Variants in MTPN observed in about 807,000 individuals in gnomAD.
MTPN encodes the protein myotrophin, also known as granule cell differentiation protein.
Under a neutral mutation model 13.5 loss-of-function variants are expected in MTPN, and 2 were observed. The ratio of observed to expected loss-of-function variants is 0.15; its 90% CI spans 0.06 to 0.47. The LOEUF is 0.47. MTPN is among the 20% of genes least tolerant of loss of function. MTPN has a pLI of 0.97. For synonymous variants in MTPN, 46 were observed against 51.7 expected, an observed-to-expected ratio of 0.89 and a Z score of 0.48; for missense variants, 79 against 137.9, an observed-to-expected ratio of 0.57 and a Z score of 2.14.
intron 1 of MTPN, among the ~76,000 whole-genome samples, chr7:135,963,060 C>T (rs573800171): frequency 2.6e-5 from 4 of 152,150 alleles, no homozygotes; most frequent in Admixed American, 2.0e-4. Flanking sequence ...CTTTGTACCA[C>T]AGCATGTAAA....
At chr7:135,975,199 T>C (rs1286343197) in intron 1 of MTPN, among the ~76,000 whole-genome samples, 1 of 152,222 alleles carries the variant, frequency 6.6e-6, no homozygotes, top group Non-Finnish European at 1.5e-5. Flanking sequence ...AATTAATCCA[T>C]CTTTATTGGC....
At chr7:135,939,779 A>G (rs1799180973) in intron 3 of MTPN, among the ~76,000 whole-genome samples, 1 of 152,136 alleles carries the variant, frequency 6.6e-6, no homozygotes, top group African/African-American at 2.4e-5. Context: ...ATTAACAGGT[A>G]TGTCTTCCCC....
At chr7:135,960,563 T>C (rs1378737191) in intron 1 of MTPN, 1 of 151,644 alleles carries the variant, frequency 6.6e-6, no homozygotes, top group Non-Finnish European at 1.5e-5. Flanking sequence ...AATATGGAGG[T>C]AGGGTATAAA....
chr7:135,962,094 G>A (rs1045110937), intron 1 of MTPN, among the ~76,000 whole-genome samples: 2 of 151,924 alleles, frequency 1.3e-5, no homozygotes, highest in Admixed American at 6.6e-5. Context: ...TATGGAAATT[G>A]TACGTTACTA....
intron 1 of MTPN, among the ~76,000 whole-genome samples, chr7:135,957,525 T>G (rs139154267): frequency 6.6e-5 from 10 of 152,198 alleles, no homozygotes; most frequent in Middle Eastern, 3.4e-3. Context: ...AAAGTGACAG[T>G]GCATGACCAG....
At chr7:135,936,989 C>T (rs562450530) in intron 3 of MTPN, among the ~76,000 whole-genome samples, 6 of 152,174 alleles carry the variant, frequency 3.9e-5, no homozygotes, top group Admixed American at 3.9e-4. Context: ...AAATAATTTA[C>T]AATCTAGCTG....
chr7:135,938,124 T>A (rs1799145925), intron 3 of MTPN, among the ~76,000 whole-genome samples: 1 of 152,188 alleles, frequency 6.6e-6, no homozygotes, highest in Non-Finnish European at 1.5e-5. Flanking sequence ...CTTTTTAATT[T>A]ATATTATTTG....
At position 135,929,865 on chromosome 7, in the gene MTPN, C is replaced by A; in HGVS notation, c.*61G>T. 6.7e-7 allele frequency: 1 copy of A among 1,485,984 alleles called. No individual in the cohort carries two copies. The highest frequency in any genetic ancestry group is 9.4e-7 in the Non-Finnish European group (1 of 1,063,376). 92.0% of individuals were successfully genotyped at this position (1,485,984 alleles called of 1,614,324 possible). On this transcript the variant is annotated 3_prime_UTR_variant, in exon 4 of 4. Transcript: ENST00000393085. The stretch of plus-strand genomic sequence containing the variant: ...TGGCAGATAGAGAGTGACAGACAGA[C>A]AGGCAGCAGTGTGAGGCCACAGGAG...
intron 3 of MTPN, among the ~76,000 whole-genome samples, chr7:135,930,768 T>C (rs1799007881): frequency 6.6e-6 from 1 of 152,190 alleles, no homozygotes; most frequent in Admixed American, 6.5e-5. Flanking sequence ...CCTAGGTGCA[T>C]GGTAGGTTAA....
At position 135,927,233 on chromosome 7, in the gene MTPN, A is replaced by G. The variant is rs766708102; in HGVS notation, c.*2693T>C. On this transcript the variant is annotated 3_prime_UTR_variant, in exon 4 of 4. Transcript: ENST00000393085. ...GCCTACTTGTTTGCAGCTTCCACAC[A>G]CTGCACCTACCTACTACCTCTCTTC... The G allele has an allele frequency of 1.1e-5, 16 of 1,416,666 alleles. No individual in the cohort carries two copies. The highest frequency in any genetic ancestry group is 7.5e-5 in the South Asian group (5 of 66,316). The allele number at this position is 1,416,666 out of a possible 1,614,324, so 87.8% of individuals were successfully genotyped here.
At chr7:135,950,884 T>C (rs913121143) in intron 2 of MTPN, among the ~76,000 whole-genome samples, 3 of 152,134 alleles carry the variant, frequency 2.0e-5, no homozygotes, top group African/African-American at 7.2e-5. Flanking sequence ...TTAGGAGTCA[T>C]AGTAGTAGAG....
At chr7:135,937,897 CT>C (rs1372062012) in intron 3 of MTPN, among the ~76,000 whole-genome samples, 1 of 152,142 alleles carries the variant, frequency 6.6e-6, no homozygotes, top group Non-Finnish European at 1.5e-5. Context: ...TCTTAATAGT[CT>C]TTTCTCCAGC....
rs1051520098 is a variant in MTPN at position 135,977,329 on chromosome 7, T to A, written c.-229A>T. 5.2e-6 allele frequency: 3 copies of A among 576,794 alleles called. No individual in the cohort carries two copies. The highest frequency in any genetic ancestry group is 3.0e-5 in the East Asian group (1 of 33,890). The allele number at this position is 576,794 out of a possible 1,614,324, so 35.7% of individuals were successfully genotyped here. A position where few individuals can be genotyped will look rare whatever the true frequency, so the allele number is the denominator to read the frequency against. On this transcript the variant is annotated 5_prime_UTR_variant, in exon 1 of 4. Coordinates refer to ENST00000393085, the MANE Select transcript of MTPN (RefSeq NM_145808.4). ...CCGGGCCCAGCAGAGAGGTTCCGCC[T>A]GGCCGAGGAGAGGCAGGAACCTTTA... is the stretch of plus-strand genomic sequence containing the variant.
intron 1 of MTPN, among the ~76,000 whole-genome samples, chr7:135,964,989 T>C (rs1235136568): frequency 6.6e-6 from 1 of 152,092 alleles, no homozygotes; most frequent in African/African-American, 2.4e-5. Flanking sequence ...GACTCATTTA[T>C]TGATGTATCA....
intron 1 of MTPN, among the ~76,000 whole-genome samples, chr7:135,966,544 C>T (rs1017728606): frequency 1.3e-5 from 2 of 150,558 alleles, no homozygotes; most frequent in Admixed American, 1.3e-4. Context: ...GCCATCACAA[C>T]GTCAAAAAAA....
At chr7:135,969,366 T>C (rs1258350263) in intron 1 of MTPN, among the ~76,000 whole-genome samples, 3 of 151,780 alleles carry the variant, frequency 2.0e-5, no homozygotes, top group African/African-American at 4.8e-5. Flanking sequence ...ACCTTAGAGC[T>C]TCTCAGTCTT....
At chr7:135,940,439 A>C (rs1405927016) in intron 3 of MTPN, among the ~76,000 whole-genome samples, 1 of 152,208 alleles carries the variant, frequency 6.6e-6, no homozygotes, top group Non-Finnish European at 1.5e-5. Context: ...TATAAGGTCT[A>C]ACATAATACA....
rs1489038665 is a variant in MTPN at position 135,977,306 on chromosome 7, G to T, written c.-206C>A. The T allele has an allele frequency of 3.3e-6, 2 of 601,266 alleles. No homozygotes were observed. The highest frequency in any genetic ancestry group is 5.9e-6 in the Non-Finnish European group (2 of 336,558). 37.2% of individuals were successfully genotyped at this position (601,266 alleles called of 1,614,324 possible). On this transcript the variant is annotated 5_prime_UTR_variant, in exon 1 of 4. Coordinates refer to ENST00000393085, the MANE Select transcript of MTPN (RefSeq NM_145808.4). ...GAAAGAAAGTTCTTTTGCGGCCACC[G>T]GGCCCAGCAGAGAGGTTCCGCCTGG...
chr7:135,963,999 T>C (rs997587032), intron 1 of MTPN, among the ~76,000 whole-genome samples: 2 of 151,962 alleles, frequency 1.3e-5, no homozygotes, highest in Non-Finnish European at 2.9e-5. Flanking sequence ...AAAACACGTG[T>C]TTATATAAAG....
Sources: allele counts gnomAD v4.1 joint callset (sites outside exome capture counted in the v4.1 genomes callset), GRCh38; gene constraint gnomAD v4.1.1; transcripts MANE v1.5; gene names NCBI Gene and HGNC (gene_info 2026-07-23, HGNC 2026-07-21).